The following MAF variants were observed in gnomAD, a reference collection of about 807,000 sequenced individuals.
MAF encodes the protein transcription factor Maf.
A neutral mutation model predicts 22.0 loss-of-function variants in MAF; 10 were observed. The observed-to-expected ratio is 0.45, with a 90% confidence interval of 0.28 to 0.77. The LOEUF (loss-of-function observed/expected upper bound fraction) is 0.77, where lower values mean the gene tolerates loss of function less well. Ranked by LOEUF, MAF falls within the 30% of genes least tolerant of loss-of-function variation. MAF has a pLI of 0.12. For missense variants in MAF, 544 were observed against 548.4 expected (o/e 0.99, Z 0.08); for synonymous variants, 337 against 255.8 (o/e 1.32, Z -3.03).
At chr16:79,389,862 GCTA>G in the MAF span, among the ~76,000 whole-genome samples, 1 of 150,164 alleles carries the variant, frequency 6.7e-6, no homozygotes, top group Non-Finnish European at 1.5e-5. Flanking sequence ...TGTAGTCCCA[GCTA>G]CTAGGGAGGC....
chr16:79,208,516 A>C, the MAF span, among the ~76,000 whole-genome samples: 1 of 152,338 alleles, frequency 6.6e-6, no homozygotes, highest in East Asian at 1.9e-4. Context: ...TTTATAACGG[A>C]GTTGTTAACA....
At chr16:79,416,118 T>C in the MAF span, among the ~76,000 whole-genome samples, 1 of 152,150 alleles carries the variant, frequency 6.6e-6, no homozygotes, top group Non-Finnish European at 1.5e-5. Context: ...CTGCTGTGTG[T>C]GCCCCTAAGC....
the MAF span, among the ~76,000 whole-genome samples, chr16:79,447,891 C>CAAAAAAAAAAAAAAAAAAAAAAAAAAA: frequency 1.9e-4 from 14 of 72,580 alleles, no homozygotes; most frequent in African/African-American, 1.1e-3. Context: ...GATTCCATCT[C>CAAAAAAAAAAAAAAAAAAAAAAAAAAA]AAAAAAAAAA....
chr16:79,328,433 C>T, the MAF span, among the ~76,000 whole-genome samples: 8 of 152,270 alleles, frequency 5.3e-5, no homozygotes, highest in Middle Eastern at 3.4e-3. Flanking sequence ...TTGAAATCCC[C>T]ACAGGTTCCT....
chr16:79,377,831 T>G, the MAF span, among the ~76,000 whole-genome samples: 14 of 152,304 alleles, frequency 9.2e-5, no homozygotes, highest in South Asian at 2.5e-3. Flanking sequence ...AAAGATCAGA[T>G]AGTGGTAGAT....
chr16:79,335,126 A>G, the MAF span, among the ~76,000 whole-genome samples: 97 of 151,140 alleles, frequency 6.4e-4, no homozygotes, highest in African/African-American at 2.2e-3. Flanking sequence ...CAGATGTTGC[A>G]GTAATCCAAG....
chr16:79,444,124 A>G, the MAF span, among the ~76,000 whole-genome samples: 1 of 152,154 alleles, frequency 6.6e-6, no homozygotes, highest in African/African-American at 2.4e-5. Flanking sequence ...ATAGAATATT[A>G]AATGGGTAAA....
chr16:79,462,516 T>G, the MAF span, among the ~76,000 whole-genome samples: 1 of 152,238 alleles, frequency 6.6e-6, no homozygotes, highest in African/African-American at 2.4e-5. Flanking sequence ...ATTTTCTTTC[T>G]GGACTCACCT....
At chr16:79,423,120 T>C in the MAF span, among the ~76,000 whole-genome samples, 9 of 152,182 alleles carry the variant, frequency 5.9e-5, no homozygotes, top group African/African-American at 2.2e-4. Flanking sequence ...TTCAGTTAAG[T>C]GTAACGTGCA....
chr16:79,312,706 T>TGCGA, the MAF span, among the ~76,000 whole-genome samples: 1 of 152,224 alleles, frequency 6.6e-6, no homozygotes, highest in African/African-American at 2.4e-5. Context: ...AGCCGCTACT[T>TGCGA]TCATATCTAA....
chr16:79,548,228 A>C, the MAF span, among the ~76,000 whole-genome samples: 1 of 152,172 alleles, frequency 6.6e-6, no homozygotes, highest in Non-Finnish European at 1.5e-5. Context: ...TCTATTTCTA[A>C]ATATCATATA....
chr16:79,404,938 A>G, the MAF span, among the ~76,000 whole-genome samples: 1 of 152,094 alleles, frequency 6.6e-6, no homozygotes, highest in Non-Finnish European at 1.5e-5. Flanking sequence ...CTCCTTCAGC[A>G]TGTACTTATG....
At chr16:79,202,871 A>C in the MAF span, 1 of 152,248 alleles carries the variant, frequency 6.6e-6, no homozygotes, top group Non-Finnish European at 1.5e-5. Context: ...CCTAAAATAC[A>C]GTAGATGAGT....
the MAF span, among the ~76,000 whole-genome samples, chr16:79,381,743 T>C: frequency 6.6e-6 from 1 of 152,144 alleles, no homozygotes; most frequent in East Asian, 1.9e-4. Flanking sequence ...TCTCAACAGC[T>C]TGGAAGCCTG....
chr16:79,267,438 T>A, the MAF span, among the ~76,000 whole-genome samples: 1 of 152,072 alleles, frequency 6.6e-6, no homozygotes, highest in Non-Finnish European at 1.5e-5. Context: ...GTGTGTGGTA[T>A]GGGAAAGGAG....
chr16:79,372,254 T>A, the MAF span, among the ~76,000 whole-genome samples: 1 of 152,054 alleles, frequency 6.6e-6, no homozygotes, highest in South Asian at 2.1e-4. Context: ...AGGGTGAGGA[T>A]GGGGGAACTT....
chr16:79,570,218 C>T, the MAF span, among the ~76,000 whole-genome samples: 1 of 152,074 alleles, frequency 6.6e-6, no homozygotes, highest in African/African-American at 2.4e-5. Flanking sequence ...ACCTTTCTTT[C>T]TAACACTACC....
chr16:79,579,945 G>C, the MAF span, among the ~76,000 whole-genome samples: 1 of 152,078 alleles, frequency 6.6e-6, no homozygotes. Flanking sequence ...ACCAATACTT[G>C]AGAAAATAAA....
the MAF span, among the ~76,000 whole-genome samples, chr16:79,387,063 C>A: frequency 6.6e-6 from 1 of 152,162 alleles, no homozygotes; most frequent in Admixed American, 6.5e-5. Flanking sequence ...AAAGTCACAC[C>A]ATCATACCTG....
Sources: allele counts gnomAD v4.1 joint callset (sites outside exome capture counted in the v4.1 genomes callset), GRCh38; gene constraint gnomAD v4.1.1; transcripts MANE v1.5; gene names NCBI Gene and HGNC (gene_info 2026-07-23, HGNC 2026-07-21).